Variants in SATB2 observed in about 807,000 individuals in gnomAD.
SATB2 encodes the protein SATB homeobox 2.
In SATB2, 1 loss-of-function variant was observed where a neutral mutation model predicts 73.4. The ratio of observed to expected loss-of-function variants is 0.01; its 90% confidence interval spans 0.00 to 0.06. SATB2 has a LOEUF of 0.06. Among genes scored for constraint, SATB2 ranks in the 10% least tolerant of loss-of-function variants. The probability of loss-of-function intolerance (pLI) is 1.00; values close to 1 mark genes in which losing one functional copy is unlikely to be tolerated. For synonymous variants in SATB2, 397 were observed against 367.0 expected (o/e 1.08, Z -0.93); for missense variants, 459 against 945.8 (o/e 0.49, Z 6.75).
At chr2:199,401,725 G>A (rs1690485125) in intron 3 of SATB2, among the ~76,000 whole-genome samples, 1 of 152,132 alleles carries the variant, frequency 6.6e-6, no homozygotes, top group Non-Finnish European at 1.5e-5. Flanking sequence ...ATAAAACCAG[G>A]AAGTCTGGGC....
chr2:199,326,589 A>G (rs544631724), intron 8 of SATB2, among the ~76,000 whole-genome samples: 2 of 152,258 alleles, frequency 1.3e-5, no homozygotes, highest in East Asian at 3.9e-4. Flanking sequence ...TCTAACAAGC[A>G]GAAGTAACTT....
intron 10 of SATB2, among the ~76,000 whole-genome samples, chr2:199,274,474 G>A (rs757940303): frequency 3.9e-5 from 6 of 152,076 alleles, no homozygotes; most frequent in Non-Finnish European, 5.9e-5. Flanking sequence ...ATATTAGGGC[G>A]GATGAAACTG....
At position 199,433,381 on chromosome 2, in the gene SATB2, G is replaced by C. The variant is rs770551232; in HGVS notation, c.303C>G (p.Leu101=). Reference sequence around the variant, plus strand: ...AGCTGTGAGAATACCCCAGGGCCAGGAGCGCAGTCTCCACCAGCTGGCTAA... The same window carrying C: ...AGCTGTGAGAATACCCCAGGGCCAGCAGCGCAGTCTCCACCAGCTGGCTAA... ...VLFSQLVETA[L]LALGYSHSSA... Residue 101 remains leucine (L), a synonymous_variant, in exon 3 of 11, where the codon CTC becomes CTG. Transcript: ENST00000417098. The C allele has an allele frequency of 2.5e-6, 4 of 1,614,060 alleles. No homozygotes were observed. The highest frequency in any genetic ancestry group is 1.3e-5 in the African/African-American group (1 of 74,942).
chr2:199,402,790 A>T (rs905792790), intron 3 of SATB2, among the ~76,000 whole-genome samples: 7 of 152,204 alleles, frequency 4.6e-5, no homozygotes, highest in South Asian at 4.1e-4. Flanking sequence ...TAAGACATTT[A>T]AAAATATCAA....
intron 2 of SATB2, among the ~76,000 whole-genome samples, chr2:199,454,023 A>T (rs879755637): frequency 6.6e-6 from 1 of 152,086 alleles, no homozygotes; most frequent in Non-Finnish European, 1.5e-5. Context: ...TTCTTCACCA[A>T]GATAATAATT....
chr2:199,325,566 A>G (rs1688006300), intron 8 of SATB2: 1 of 152,202 alleles, frequency 6.6e-6, no homozygotes, highest in African/African-American at 2.4e-5. Flanking sequence ...CAAAATTTCT[A>G]GTTAACCCAC....
chr2:199,458,890 C>CGG (rs1692390250), upstream of SATB2: 1 of 307,600 alleles, frequency 3.3e-6, no homozygotes, highest in South Asian at 2.3e-5. Flanking sequence ...CAGGGAAGGC[C>CGG]GCTTCTCCTT....
At chr2:199,405,302 A>G (rs115522024) in intron 3 of SATB2, among the ~76,000 whole-genome samples, 1 of 152,194 alleles carries the variant, frequency 6.6e-6, no homozygotes, top group Non-Finnish European at 1.5e-5. Context: ...CATCAGACAT[A>G]ATAGAAGCCA....
chr2:199,394,085 T>C (rs1156342571), intron 3 of SATB2, among the ~76,000 whole-genome samples: 1 of 152,200 alleles, frequency 6.6e-6, no homozygotes, highest in Non-Finnish European at 1.5e-5. Flanking sequence ...TTTATGTTAA[T>C]GAAAGACAAT....
rs187862706 is a variant in SATB2, at chr2:199,304,453, C to G, written c.1740+4307G>C. Among the ~76,000 whole-genome samples the G allele has an allele frequency of 3.3e-5, 5 of 152,260 alleles. No individual in the cohort carries two copies. The East Asian group carries it at 9.7e-4, about 29-fold the overall frequency. On this transcript the variant is annotated intron_variant, in intron 10 of 10. Transcript: ENST00000417098. Reference sequence around the variant, plus strand: ...AAACATTATGTAGATTAGTATTTCTCAACTTGTGTTTCACTACTGATCCCC... The same window carrying G: ...AAACATTATGTAGATTAGTATTTCTGAACTTGTGTTTCACTACTGATCCCC...
intron 6 of SATB2, among the ~76,000 whole-genome samples, chr2:199,354,482 A>G (rs1688914395): frequency 6.6e-6 from 1 of 152,174 alleles, no homozygotes; most frequent in Admixed American, 6.5e-5. Context: ...TGGAGAGGGA[A>G]TTGCCTGGAA....
At chr2:199,301,384 C>G (rs1687285558) in intron 10 of SATB2, among the ~76,000 whole-genome samples, 1 of 152,128 alleles carries the variant, frequency 6.6e-6, no homozygotes, top group South Asian at 2.1e-4. Context: ...AAGCCATGTT[C>G]CACTAAAAGG....
At chr2:199,365,298 G>A (rs569045439) in intron 6 of SATB2, among the ~76,000 whole-genome samples, 126 of 150,772 alleles carry the variant, frequency 8.4e-4, no homozygotes, top group African/African-American at 2.8e-3. Flanking sequence ...GTGATGATCA[G>A]CAATTAAAAA....
chr2:199,301,594 C>T (rs572638538), intron 10 of SATB2, among the ~76,000 whole-genome samples: 2 of 152,264 alleles, frequency 1.3e-5, no homozygotes, highest in East Asian at 3.9e-4. Flanking sequence ...AGTCAGCCTT[C>T]AGGAGGATAA....
chr2:199,295,648 C>T (rs1416661974), intron 10 of SATB2, among the ~76,000 whole-genome samples: 1 of 152,206 alleles, frequency 6.6e-6, no homozygotes, highest in African/African-American at 2.4e-5. Context: ...GCTTCCCAGA[C>T]TTGCTCACTG....
chr2:199,436,422 T>C (rs1422779442), intron 2 of SATB2, among the ~76,000 whole-genome samples: 8 of 150,862 alleles, frequency 5.3e-5, no homozygotes, highest in Admixed American at 2.0e-4. Flanking sequence ...GCATCATCTA[T>C]TTAAAAAAAA....
At chr2:199,465,873 A>G (rs1158702363), upstream of SATB2, among the ~76,000 whole-genome samples, 3 of 152,244 alleles carry the variant, frequency 2.0e-5, no homozygotes, top group Admixed American at 6.5e-5. Context: ...TGTTAGAGTC[A>G]TATGCTAAAT....
At chr2:199,341,117 T>A (rs186582304) in intron 7 of SATB2, among the ~76,000 whole-genome samples, 1,831 of 152,312 alleles carry the variant, frequency 0.012, 27 homozygotes, top group Non-Finnish European at 0.021. Flanking sequence ...CCCTGATTAA[T>A]TTTTTAAAGT....
At chr2:199,281,811 A>T (rs1692506526) in intron 10 of SATB2, among the ~76,000 whole-genome samples, 1 of 151,854 alleles carries the variant, frequency 6.6e-6, no homozygotes, top group Admixed American at 6.6e-5. Flanking sequence ...ACATATTGGC[A>T]TACCATATGC....
Sources: gnomAD v4.1 joint callset for allele counts (sites outside exome capture counted in the v4.1 genomes callset) on GRCh38, gnomAD v4.1.1 for gene constraint, MANE v1.5 for transcripts, NCBI Gene and HGNC (gene_info 2026-07-23, HGNC 2026-07-21) for gene names.